AGBL4: variants seen among roughly 807,000 people sequenced by gnomAD.
AGBL4 encodes AGBL carboxypeptidase 4, also known as cytosolic carboxypeptidase 6.
Under a neutral mutation model 66.4 loss-of-function variants are expected in AGBL4, and 58 were observed. That is an observed-to-expected ratio of 0.87 (90% CI 0.71 to 1.09). The LOEUF is 1.09. AGBL4 is among the 50% of genes least tolerant of loss of function. The pLI is 0.00. For synonymous variants in AGBL4, 234 were observed against 222.9 expected (o/e 1.05, Z -0.44); for missense variants, 579 against 631.0 (o/e 0.92, Z 0.88).
chr1:48,663,933 C>T (rs1263865240), intron 6 of AGBL4, among the ~76,000 whole-genome samples: 1 of 152,098 alleles, frequency 6.6e-6, no homozygotes, highest in Non-Finnish European at 1.5e-5. Context: ...GATCCCAATC[C>T]CTTGTCTGGC....
chr1:49,375,078 C>A (rs1042632432), intron 3 of AGBL4, among the ~76,000 whole-genome samples: 1 of 152,118 alleles, frequency 6.6e-6, no homozygotes, highest in Non-Finnish European at 1.5e-5. Flanking sequence ...CTCTTTCATG[C>A]CTCTGGACCT....
At chr1:49,290,091 C>A (rs974516929) in intron 3 of AGBL4, among the ~76,000 whole-genome samples, 3 of 151,956 alleles carry the variant, frequency 2.0e-5, no homozygotes, top group Admixed American at 6.6e-5. Flanking sequence ...TAAATAAAAT[C>A]ATCAAATTAC....
At chr1:49,905,050 G>T (rs992921518) in intron 1 of AGBL4, among the ~76,000 whole-genome samples, 1 of 152,126 alleles carries the variant, frequency 6.6e-6, no homozygotes, top group East Asian at 1.9e-4. Context: ...CTCTTGTGAT[G>T]ATTAGAAATT....
intron 4 of AGBL4, among the ~76,000 whole-genome samples, chr1:49,192,138 A>T (rs535155005): frequency 1.3e-5 from 2 of 152,082 alleles, no homozygotes; most frequent in South Asian, 4.2e-4. Flanking sequence ...TGACTTTTTA[A>T]TCCTAGCCAT....
At chr1:49,090,306 T>C (rs925371716) in intron 4 of AGBL4, among the ~76,000 whole-genome samples, 1 of 152,154 alleles carries the variant, frequency 6.6e-6, no homozygotes, top group Non-Finnish European at 1.5e-5. Flanking sequence ...TATCCCCGTT[T>C]GCAGACTATA....
intron 4 of AGBL4, among the ~76,000 whole-genome samples, chr1:49,077,378 T>C (rs1644731257): frequency 6.6e-6 from 1 of 152,186 alleles, no homozygotes; most frequent in Non-Finnish European, 1.5e-5. Context: ...ATACAATGCG[T>C]TCTGTGAGAG....
chr1:49,174,065 A>G (rs1646787484), intron 4 of AGBL4, among the ~76,000 whole-genome samples: 1 of 152,158 alleles, frequency 6.6e-6, no homozygotes. Flanking sequence ...AGTGAAAGGA[A>G]AAGAGAGATA....
chr1:49,265,456 A>G (rs905282571), intron 3 of AGBL4, among the ~76,000 whole-genome samples: 1 of 152,140 alleles, frequency 6.6e-6, no homozygotes, highest in Non-Finnish European at 1.5e-5. Flanking sequence ...CTAGATCTCT[A>G]TTTGTTCAAC....
intron 6 of AGBL4, among the ~76,000 whole-genome samples, chr1:48,752,693 C>T (rs1651930494): frequency 6.6e-6 from 1 of 152,154 alleles, no homozygotes; most frequent in African/African-American, 2.4e-5. Flanking sequence ...TGATGCAGTA[C>T]CTACTGAGCA....
At chr1:49,204,282 A>T (rs1647956060) in intron 4 of AGBL4, among the ~76,000 whole-genome samples, 1 of 151,690 alleles carries the variant, frequency 6.6e-6, no homozygotes, top group East Asian at 1.9e-4. Context: ...TTTATTGTTT[A>T]TTTTTTTAGT....
chr1:49,050,364 T>C (rs1644184373), intron 4 of AGBL4, among the ~76,000 whole-genome samples: 1 of 152,094 alleles, frequency 6.6e-6, no homozygotes, highest in African/African-American at 2.4e-5. Context: ...TTTAAACATA[T>C]TCCTTTCTCC....
At position 49,735,296 on chromosome 1, in the gene AGBL4, G is replaced by GGGGTGT. The variant is rs1388288699; in HGVS notation, c.158-37860_158-37859insACACCC. ...TAAAACAAAGAGGTAGAGGTGTGTG[G>GGGGTGT]GTGTGTGTGTGTGTGTGTGTGTGTG... On this transcript the variant is annotated intron_variant, in intron 2 of 13. Coordinates refer to ENST00000371839, the MANE Select transcript of AGBL4 (RefSeq NM_032785.4). 2.2e-4 allele frequency among the ~76,000 whole-genome samples: 28 copies of GGGGTGT among 127,390 alleles called. No homozygotes were observed. In the South Asian group the frequency reaches 4.6e-3, roughly 21 times the overall value. 83.6% of individuals were successfully genotyped at this position (127,390 alleles called of 152,430 possible).
chr1:48,857,180 T>C (rs1278801993), intron 6 of AGBL4, among the ~76,000 whole-genome samples: 2 of 152,202 alleles, frequency 1.3e-5, no homozygotes, highest in Non-Finnish European at 2.9e-5. Context: ...TAGCTCTGAC[T>C]CTGAGTAGAC....
At chr1:48,742,605 T>C (rs527961194) in intron 6 of AGBL4, 2 of 1,522,494 alleles carry the variant, frequency 1.3e-6, no homozygotes, top group Admixed American at 2.0e-5. Context: ...GGAATGGATA[T>C]TGAGCTTAAA....
At chr1:48,634,453 G>T in intron 9 of AGBL4, 40 bp downstream of exon 9, 1 of 1,486,976 alleles carries the variant, frequency 6.7e-7, no homozygotes, top group Non-Finnish European at 9.2e-7. Flanking sequence ...CCCAGATCAA[G>T]CCATAGATCA....
At chr1:49,215,357 C>T (rs978502957) in intron 4 of AGBL4, among the ~76,000 whole-genome samples, 4 of 152,094 alleles carry the variant, frequency 2.6e-5, no homozygotes, top group South Asian at 4.1e-4. Flanking sequence ...CTTTTAATTA[C>T]TTATGAATAT....
intron 4 of AGBL4, among the ~76,000 whole-genome samples, chr1:49,168,931 G>C (rs1281769142): frequency 6.6e-6 from 1 of 152,192 alleles, no homozygotes; most frequent in African/African-American, 2.4e-5. Flanking sequence ...CTAATGTATG[G>C]AGGGATTGAT....
chr1:49,058,191 C>G (rs890003229), intron 4 of AGBL4, among the ~76,000 whole-genome samples: 7 of 152,168 alleles, frequency 4.6e-5, no homozygotes, highest in Non-Finnish European at 8.8e-5. Flanking sequence ...ATTGTTCTTC[C>G]TTCTCTTTCC....
intron 3 of AGBL4, among the ~76,000 whole-genome samples, chr1:49,613,357 C>A (rs1645188780): frequency 6.6e-6 from 1 of 152,112 alleles, no homozygotes; most frequent in Admixed American, 6.5e-5. Flanking sequence ...ACCAAACCTG[C>A]ACATGTATCA....
Sources: gnomAD v4.1 joint callset for allele counts (sites outside exome capture counted in the v4.1 genomes callset) on GRCh38, gnomAD v4.1.1 for gene constraint, MANE v1.5 for transcripts, NCBI Gene and HGNC (gene_info 2026-07-23, HGNC 2026-07-21) for gene names.